The following MAP7 variants were observed in gnomAD, a reference collection of about 807,000 sequenced individuals.
MAP7 encodes ensconsin.
A neutral mutation model predicts 94.8 loss-of-function variants in MAP7; 52 were observed. The observed-to-expected ratio is 0.55, with a 90% CI of 0.44 to 0.69. MAP7 has a LOEUF of 0.69. Ranked by LOEUF, MAP7 falls within the 30% of genes least tolerant of loss-of-function variation. The pLI, the probability that MAP7 is intolerant of heterozygous loss-of-function variation, is 0.00. For synonymous variants in MAP7, 350 were observed against 357.0 expected (o/e 0.98, Z 0.22); for missense variants, 940 against 964.6 (o/e 0.97, Z 0.34).
In MAP7 at chr6:136,466,689, A is replaced by G; in HGVS notation, c.68-44890T>C. ...TATAAGTATTAATTTGTCAAAATGG[A>G]TTTAAAGATTGCCTGATTCTTGAAC... On this transcript the variant is annotated intron_variant, in intron 1 of 17. Coordinates refer to ENST00000354570, the MANE Select transcript of MAP7 (RefSeq NM_003980.6). The G allele has an allele frequency of 2.1e-6, 3 of 1,444,390 alleles. No individual in the cohort carries two copies. In the South Asian group the frequency reaches 3.8e-5, roughly 18 times the overall value. 89.5% of individuals were successfully genotyped at this position (1,444,390 alleles called of 1,614,324 possible).
intron 16 of MAP7, among the ~76,000 whole-genome samples, chr6:136,352,179 C>A (rs1160654252): frequency 6.9e-6 from 1 of 145,568 alleles, no homozygotes; most frequent in African/African-American, 2.5e-5. Flanking sequence ...CTCCTTGTAT[C>A]TGCTATTCGT....
intron 3 of MAP7, among the ~76,000 whole-genome samples, chr6:136,407,358 A>T (rs928729180): frequency 6.6e-6 from 1 of 152,230 alleles, no homozygotes; most frequent in African/African-American, 2.4e-5. Flanking sequence ...GTGAACTAAA[A>T]CGTGATAGTT....
chr6:136,404,499 T>C (rs1270719480), intron 3 of MAP7, among the ~76,000 whole-genome samples: 2 of 152,208 alleles, frequency 1.3e-5, no homozygotes, highest in African/African-American at 4.8e-5. Flanking sequence ...CTTTATGATA[T>C]ATCTTAGCTT....
intron 7 of MAP7, among the ~76,000 whole-genome samples, chr6:136,375,720 T>C (rs778264162): frequency 1.3e-5 from 2 of 152,160 alleles, no homozygotes; most frequent in Non-Finnish European, 2.9e-5. Context: ...GCAGGCAATG[T>C]ATTGACAAAA....
At chr6:136,457,532 T>G (rs1486856298) in intron 1 of MAP7, among the ~76,000 whole-genome samples, 1 of 152,128 alleles carries the variant, frequency 6.6e-6, no homozygotes, top group African/African-American at 2.4e-5. Flanking sequence ...TATAGGCCAA[T>G]AACCCTGATG....
At chr6:136,439,071 T>A (rs1016007696) in intron 1 of MAP7, among the ~76,000 whole-genome samples, 5 of 152,220 alleles carry the variant, frequency 3.3e-5, no homozygotes, top group Admixed American at 3.3e-4. Flanking sequence ...TATTGATAGG[T>A]TAATACCTGC....
chr6:136,379,494 C>T (rs1178058015), intron 6 of MAP7, among the ~76,000 whole-genome samples: 1 of 152,166 alleles, frequency 6.6e-6, no homozygotes, highest in African/African-American at 2.4e-5. Flanking sequence ...AAGCTATGTG[C>T]AGCAGTGTAA....
chr6:136,485,380 CACG>C (rs1222066432), intron 1 of MAP7, among the ~76,000 whole-genome samples: 1 of 152,122 alleles, frequency 6.6e-6, no homozygotes, highest in Non-Finnish European at 1.5e-5. Context: ...ATTGTTTCGA[CACG>C]ACATTTCCCA....
At chr6:136,486,846 A>C (rs1328310511) in intron 1 of MAP7, among the ~76,000 whole-genome samples, 1 of 152,240 alleles carries the variant, frequency 6.6e-6, no homozygotes, top group Non-Finnish European at 1.5e-5. Flanking sequence ...CAAAAATTTA[A>C]ATAAACAAAA....
In MAP7 at chr6:136,506,756, T is replaced by C. The variant is rs149593388; in HGVS notation, c.67+43586A>G. Among the ~76,000 whole-genome samples the C allele has an allele frequency of 5.8e-3, 883 of 152,324 alleles. 16 individuals carry two copies. The highest frequency in any genetic ancestry group is 0.02 in the African/African-American group (820 of 41,570). Reference sequence around the variant, plus strand: ...TATGGCCTGAAGACTTCGTTCTATATTTGAGTCCTTGTGGACAAACCGTAA... The same window carrying C: ...TATGGCCTGAAGACTTCGTTCTATACTTGAGTCCTTGTGGACAAACCGTAA... On this transcript the variant is annotated intron_variant, in intron 1 of 17. Coordinates refer to ENST00000354570, the MANE Select transcript of MAP7 (RefSeq NM_003980.6).
chr6:136,396,097 AATGTC>A (rs769124360), intron 3 of MAP7, among the ~76,000 whole-genome samples: 2 of 151,810 alleles, frequency 1.3e-5, no homozygotes, highest in Non-Finnish European at 2.9e-5. Flanking sequence ...TTTTGTGAAG[AATGTC>A]ATTGGTATTT....
At chr6:136,542,885 T>C (rs1829442050) in intron 1 of MAP7, among the ~76,000 whole-genome samples, 1 of 152,196 alleles carries the variant, frequency 6.6e-6, no homozygotes, top group South Asian at 2.1e-4. Context: ...TATTTTACTT[T>C]GAGGTGATTA....
intron 15 of MAP7, among the ~76,000 whole-genome samples, chr6:136,359,472 T>C (rs962375475): frequency 5.3e-5 from 8 of 152,218 alleles, no homozygotes; most frequent in Non-Finnish European, 1.0e-4. Context: ...CAGTATGTGA[T>C]AAATGAAATT....
chr6:136,470,671 G>A (rs1348669939), intron 1 of MAP7, among the ~76,000 whole-genome samples: 1 of 151,882 alleles, frequency 6.6e-6, no homozygotes, highest in Non-Finnish European at 1.5e-5. Context: ...ACAAAGAATT[G>A]TGTCCTTCTG....
intron 17 of MAP7, among the ~76,000 whole-genome samples, 189 bp from the exon 18 acceptor site, chr6:136,344,427 CAT>C (rs1261999015): frequency 1.3e-5 from 2 of 152,108 alleles, no homozygotes; most frequent in Non-Finnish European, 2.9e-5. Context: ...TCATAGGAAA[CAT>C]ATGTTCTTTT....
intron 1 of MAP7, among the ~76,000 whole-genome samples, chr6:136,423,389 A>G (rs957575197): frequency 1.3e-5 from 2 of 152,212 alleles, no homozygotes; most frequent in Non-Finnish European, 1.5e-5. Context: ...GGCACGATAA[A>G]TGGTAGAAAG....
chr6:136,547,933 T>C (rs1829855143), intron 1 of MAP7, among the ~76,000 whole-genome samples: 2 of 152,300 alleles, frequency 1.3e-5, no homozygotes, highest in Middle Eastern at 3.4e-3. Flanking sequence ...AGTCTTTGTA[T>C]AGAGACCCAA....
At chr6:136,449,291 T>TCAAACAAACAAA (rs112759898) in intron 1 of MAP7, among the ~76,000 whole-genome samples, 2 of 151,388 alleles carry the variant, frequency 1.3e-5, no homozygotes, top group African/African-American at 4.9e-5. Flanking sequence ...CAAGACTCCT[T>TCAAACAAACAAA]CAAACAAACA....
chr6:136,380,075 G>A, intron 6 of MAP7, among the ~76,000 whole-genome samples: 1 of 152,094 alleles, frequency 6.6e-6, no homozygotes, highest in East Asian at 1.9e-4. Flanking sequence ...AAACCGAAGG[G>A]AGAGATATTA....
Sources: allele counts gnomAD v4.1 joint callset (sites outside exome capture counted in the v4.1 genomes callset), GRCh38; gene constraint gnomAD v4.1.1; transcripts MANE v1.5; gene names NCBI Gene and HGNC (gene_info 2026-07-23, HGNC 2026-07-21).